The following STX18 variants were observed in gnomAD, a reference collection of about 807,000 sequenced individuals.
STX18 encodes syntaxin 18.
In STX18, 40 loss-of-function variants were observed where a neutral mutation model predicts 50.1. That is an observed-to-expected ratio of 0.80 (90% CI 0.62 to 1.04). The LOEUF (loss-of-function observed/expected upper bound fraction) is 1.04, where lower values mean the gene tolerates loss of function less well. Among genes scored for constraint, STX18 ranks in the 50% least tolerant of loss-of-function variants. STX18 has a pLI of 0.00. For synonymous variants in STX18, 158 were observed against 151.8 expected (o/e 1.04, Z -0.30); for missense variants, 410 against 415.8 (o/e 0.99, Z 0.12).
chr4:4,485,164 T>C (rs1195917878), intron 1 of STX18, among the ~76,000 whole-genome samples: 1 of 152,194 alleles, frequency 6.6e-6, no homozygotes, highest in Non-Finnish European at 1.5e-5. Flanking sequence ...TCACTTAACC[T>C]CTTCCAGCCT....
chr4:4,462,374 A>T (rs1727425394), intron 2 of STX18, among the ~76,000 whole-genome samples: 1 of 152,248 alleles, frequency 6.6e-6, no homozygotes, highest in Non-Finnish European at 1.5e-5. Flanking sequence ...TTTATAAAAA[A>T]GAAAACTAGC....
At chr4:4,490,546 A>G (rs1265066386) in intron 1 of STX18, among the ~76,000 whole-genome samples, 1 of 152,182 alleles carries the variant, frequency 6.6e-6, no homozygotes, top group South Asian at 2.1e-4. Flanking sequence ...GGTTCTCTAC[A>G]GATGCTTACT....
At chr4:4,478,167 G>A (rs1474367883) in intron 1 of STX18, among the ~76,000 whole-genome samples, 2 of 149,128 alleles carry the variant, frequency 1.3e-5, no homozygotes, top group East Asian at 1.9e-4. Flanking sequence ...ATTTGTGAGA[G>A]TATTTGTATA....
rs188293938 is a variant in STX18 at position 4,515,642 on chromosome 4, G to C, written c.168+26155C>G. Among the ~76,000 whole-genome samples, 323 of 152,254 alleles carry C rather than the reference G, an allele frequency of 2.1e-3. 1 individual carries two copies. Among genetic ancestry groups the C allele is most frequent in the African/African-American group, 7.2e-3 (298 of 41,564 alleles). On this transcript the variant is annotated intron_variant, in intron 1 of 10. Transcript: ENST00000306200. ...ACGATAAGACATCTGACAAAAGAGAGACACACGTGCTTTAGCAGTCTACAT... is the reference window on the plus strand; with the variant it reads ...ACGATAAGACATCTGACAAAAGAGACACACACGTGCTTTAGCAGTCTACAT...
intron 1 of STX18, among the ~76,000 whole-genome samples, chr4:4,496,972 T>A (rs937965260): frequency 3.9e-5 from 6 of 152,162 alleles, no homozygotes; most frequent in Non-Finnish European, 1.5e-5. Flanking sequence ...AAGACTTAAG[T>A]AGAGTGCCTA....
intron 1 of STX18, among the ~76,000 whole-genome samples, chr4:4,534,355 C>G (rs1194798337): frequency 6.6e-6 from 1 of 152,214 alleles, no homozygotes; most frequent in Admixed American, 6.5e-5. Flanking sequence ...CCTGAAAACT[C>G]TGTTATTGTA....
intron 1 of STX18, among the ~76,000 whole-genome samples, chr4:4,498,818 C>G (rs931778091): frequency 1.3e-5 from 2 of 152,074 alleles, no homozygotes; most frequent in African/African-American, 2.4e-5. Context: ...AAGATGTGGA[C>G]AACGAAAGAA....
At position 4,419,189 on chromosome 4, in the gene STX18, T is replaced by G. The variant is rs1490256666; in HGVS notation, c.*845A>C. ...TCATGCCTTCAGTTACACATAGGTGTTCCTGTTTACAGTTCCTGGAGGTCA... is the reference window on the plus strand; with the variant it reads ...TCATGCCTTCAGTTACACATAGGTGGTCCTGTTTACAGTTCCTGGAGGTCA... On this transcript the variant is annotated 3_prime_UTR_variant, in exon 11 of 11. Transcript: ENST00000306200. 3.3e-5 allele frequency: 5 copies of G among 152,254 alleles called. No individual in the cohort carries two copies. The highest frequency in any genetic ancestry group is 3.3e-4 in the Admixed American group (5 of 15,294). The allele number at this position is 152,254 out of a possible 1,614,324, so 9.4% of individuals were successfully genotyped here. A position where few individuals can be genotyped will look rare whatever the true frequency, so the allele number is the denominator to read the frequency against.
intron 8 of STX18, among the ~76,000 whole-genome samples, chr4:4,424,212 G>A (rs1444133728): frequency 1.3e-5 from 2 of 152,142 alleles, no homozygotes; most frequent in Admixed American, 1.3e-4. Flanking sequence ...CTACCCTGGG[G>A]GGCGGGTGGG....
At chr4:4,527,916 T>C (rs971725105) in intron 1 of STX18, among the ~76,000 whole-genome samples, 2 of 149,774 alleles carry the variant, frequency 1.3e-5, no homozygotes, top group Non-Finnish European at 3.0e-5. Flanking sequence ...CAGTGATGAT[T>C]TGGCCCAAGT....
intron 2 of STX18, among the ~76,000 whole-genome samples, chr4:4,460,058 C>T (rs1344513588): frequency 6.6e-6 from 1 of 152,180 alleles, no homozygotes; most frequent in Non-Finnish European, 1.5e-5. Flanking sequence ...ACTGTCCCCT[C>T]CCTGACATTT....
intron 5 of STX18, among the ~76,000 whole-genome samples, chr4:4,444,379 G>A (rs764094663): frequency 6.6e-6 from 1 of 152,204 alleles, no homozygotes; most frequent in South Asian, 2.1e-4. Context: ...GACCTCTGGA[G>A]GGGCTGGAGA....
In STX18 at chr4:4,463,716, C is replaced by G. The variant is rs79581419; in HGVS notation, c.237-4229G>C. 3.1e-3 allele frequency among the ~76,000 whole-genome samples: 471 copies of G among 152,240 alleles called. 4 individuals are homozygous for G. Among genetic ancestry groups the G allele is most frequent in the African/African-American group, 0.011 (452 of 41,532 alleles). ...TCACTGTAGCTTCCATTTTTTACAG[C>G]CTATCAAATCAGTATTTGATACACA... On this transcript the variant is annotated intron_variant, in intron 2 of 10. Transcript: ENST00000306200.
At chr4:4,460,716 C>T (rs1167037472) in intron 2 of STX18, among the ~76,000 whole-genome samples, 1 of 152,182 alleles carries the variant, frequency 6.6e-6, no homozygotes, top group Non-Finnish European at 1.5e-5. Context: ...GAATTAGTTC[C>T]TTATTCCAAT....
At chr4:4,423,894 G>A (rs974278739) in intron 8 of STX18, 2 of 396,398 alleles carry the variant, frequency 5.0e-6, no homozygotes, top group African/African-American at 4.1e-5. Flanking sequence ...ACTGCTCGGG[G>A]AATGGGGAGG....
Position 4,514,691 on chromosome 4 carries a change from C to A in STX18, c.168+27106G>T, listed in dbSNP as rs367773106. On this transcript the variant is annotated intron_variant, in intron 1 of 10. Coordinates refer to ENST00000306200, the MANE Select transcript of STX18 (RefSeq NM_016930.4). Reference sequence around the variant, plus strand: ...GTGAAAGTGGCATAAACAGGTTAATCAGAGAATATAAAATCCAAACCACCA... The same window carrying A: ...GTGAAAGTGGCATAAACAGGTTAATAAGAGAATATAAAATCCAAACCACCA... Among the ~76,000 whole-genome samples, 15 of 151,738 alleles carry A rather than the reference C, an allele frequency of 9.9e-5. No homozygotes were observed. The East Asian group carries it at 2.9e-3, about 29-fold the overall frequency.
chr4:4,449,752 C>T (rs1726649060), intron 5 of STX18, among the ~76,000 whole-genome samples: 1 of 152,220 alleles, frequency 6.6e-6, no homozygotes, highest in Admixed American at 6.5e-5. Context: ...TGCTTTGACA[C>T]TATGTATCAA....
chr4:4,530,327 G>A (rs1265818523), intron 1 of STX18, among the ~76,000 whole-genome samples: 1 of 151,540 alleles, frequency 6.6e-6, no homozygotes, highest in Non-Finnish European at 1.5e-5. Flanking sequence ...AGTTTTAATT[G>A]TAATTGGTTT....
At chr4:4,439,546 A>G (rs1422241377) in intron 5 of STX18, among the ~76,000 whole-genome samples, 4 of 143,554 alleles carry the variant, frequency 2.8e-5, no homozygotes, top group Non-Finnish European at 6.1e-5. Flanking sequence ...ACACACACAG[A>G]AACACACACA....
Sources: gnomAD v4.1 joint callset for allele counts (sites outside exome capture counted in the v4.1 genomes callset) on GRCh38, gnomAD v4.1.1 for gene constraint, MANE v1.5 for transcripts, NCBI Gene and HGNC (gene_info 2026-07-23, HGNC 2026-07-21) for gene names.